The following AUTS2 variants were observed in gnomAD, a reference collection of about 807,000 sequenced individuals.
AUTS2 encodes the protein activator of transcription and developmental regulator AUTS2.
AUTS2 carries 17 observed loss-of-function variants against 112.4 expected under a neutral mutation model. The ratio of observed to expected loss-of-function variants is 0.15; its 90% confidence interval spans 0.10 to 0.23. The LOEUF is 0.23. Among genes scored for constraint, AUTS2 ranks in the 10% least tolerant of loss-of-function variants. The pLI, the probability that AUTS2 is intolerant of heterozygous loss-of-function variation, is 1.00. For synonymous variants in AUTS2, 751 were observed against 702.7 expected (o/e 1.07, Z -1.09); for missense variants, 1,510 against 1,701.6 (o/e 0.89, Z 1.98).
At chr7:69,639,242 A>G (rs570059103) in intron 1 of AUTS2, among the ~76,000 whole-genome samples, 15 of 152,346 alleles carry the variant, frequency 9.8e-5, no homozygotes, top group Admixed American at 9.8e-4. Flanking sequence ...ATGCACCTAG[A>G]GAGTACTTAT....
intron 4 of AUTS2, among the ~76,000 whole-genome samples, chr7:70,433,038 G>A (rs1009770661): frequency 1.3e-5 from 2 of 152,162 alleles, no homozygotes; most frequent in African/African-American, 4.8e-5. Context: ...ATGGATACCA[G>A]TAGGTCTCAG....
intron 4 of AUTS2, among the ~76,000 whole-genome samples, chr7:70,299,815 T>C (rs2129613265): frequency 1.2e-5 from 1 of 82,396 alleles, no homozygotes; most frequent in South Asian, 6.2e-4. Flanking sequence ...TTCTTTTGCT[T>C]TTGTTTTTTT....
intron 5 of AUTS2, among the ~76,000 whole-genome samples, chr7:70,453,342 A>G (rs1211202881): frequency 2.0e-5 from 3 of 152,240 alleles, no homozygotes; most frequent in African/African-American, 7.2e-5. Flanking sequence ...TCTTATGGTC[A>G]GAAGTGAGAG....
intron 4 of AUTS2, among the ~76,000 whole-genome samples, chr7:70,329,246 A>G (rs1790635100): frequency 1.3e-5 from 2 of 152,178 alleles, no homozygotes; most frequent in Non-Finnish European, 2.9e-5. Context: ...AACATGTGTC[A>G]CATATACTTG....
At chr7:69,790,120 A>G (rs1212343244) in intron 1 of AUTS2, among the ~76,000 whole-genome samples, 1 of 151,946 alleles carries the variant, frequency 6.6e-6, no homozygotes, top group African/African-American at 2.4e-5. Context: ...GTCTCTACTA[A>G]AAATAAAAAA....
chr7:70,223,053 A>C (rs1260839674), intron 4 of AUTS2, among the ~76,000 whole-genome samples: 1 of 151,800 alleles, frequency 6.6e-6, no homozygotes, highest in Non-Finnish European at 1.5e-5. Context: ...ACACCCGGCT[A>C]ATTTTTTGTA....
chr7:70,473,362 C>T (rs1428363316), intron 5 of AUTS2, among the ~76,000 whole-genome samples: 1 of 152,158 alleles, frequency 6.6e-6, no homozygotes, highest in Non-Finnish European at 1.5e-5. Flanking sequence ...CAAATCCCTC[C>T]TCTGTTTATG....
intron 6 of AUTS2, among the ~76,000 whole-genome samples, chr7:70,705,727 T>G (rs1809701740): frequency 6.6e-6 from 1 of 152,184 alleles, no homozygotes; most frequent in African/African-American, 2.4e-5. Context: ...TTGTATGAAG[T>G]GGCCCAGAAA....
intron 1 of AUTS2, among the ~76,000 whole-genome samples, chr7:69,750,022 C>T (rs1217142483): frequency 6.6e-6 from 1 of 152,168 alleles, no homozygotes; most frequent in Non-Finnish European, 1.5e-5. Flanking sequence ...GAAAAGTTTA[C>T]AAGGAATCTG....
At chr7:70,348,953 A>G (rs951567266) in intron 4 of AUTS2, among the ~76,000 whole-genome samples, 1 of 152,380 alleles carries the variant, frequency 6.6e-6, no homozygotes, top group East Asian at 1.9e-4. Context: ...TGAAGAAAAT[A>G]AAGAACAATA....
At chr7:69,910,118 G>A (rs1795294968) in intron 2 of AUTS2, among the ~76,000 whole-genome samples, 1 of 152,164 alleles carries the variant, frequency 6.6e-6, no homozygotes, top group Non-Finnish European at 1.5e-5. Flanking sequence ...TTCTGAATCT[G>A]TATTTCTCAG....
At chr7:70,713,030 C>T (rs1810147996) in intron 6 of AUTS2, among the ~76,000 whole-genome samples, 2 of 152,198 alleles carry the variant, frequency 1.3e-5, no homozygotes, top group Admixed American at 6.5e-5. Flanking sequence ...TCATGTTTAG[C>T]GTGGTTCTGA....
intron 1 of AUTS2, among the ~76,000 whole-genome samples, chr7:69,600,951 C>T (rs991916509): frequency 6.0e-5 from 9 of 150,850 alleles, no homozygotes; most frequent in Admixed American, 2.0e-4. Flanking sequence ...TTCAAATGCA[C>T]ATTTTCCTTC....
intron 5 of AUTS2, among the ~76,000 whole-genome samples, chr7:70,589,731 G>T (rs953562122): frequency 1.3e-5 from 2 of 152,076 alleles, no homozygotes; most frequent in Non-Finnish European, 2.9e-5. Context: ...GAAAAGAAAA[G>T]AAAGAAAGTC....
At chr7:69,961,830 G>A (rs543730253) in intron 2 of AUTS2, among the ~76,000 whole-genome samples, 126 of 152,052 alleles carry the variant, frequency 8.3e-4, no homozygotes, top group Non-Finnish European at 1.3e-3. Context: ...TTAATCTTAA[G>A]CAGGTGAACC....
intron 1 of AUTS2, chr7:69,824,595 A>G (rs571581761): frequency 6.6e-6 from 1 of 151,304 alleles, no homozygotes; most frequent in African/African-American, 2.4e-5. Context: ...CAGCTTCACA[A>G]CCCCTCAGTT....
intron 4 of AUTS2, among the ~76,000 whole-genome samples, chr7:70,209,044 T>G (rs1810722276): frequency 6.6e-6 from 1 of 152,096 alleles, no homozygotes; most frequent in South Asian, 2.1e-4. Context: ...ACTGTGACTG[T>G]TGTGTGGAGA....
intron 1 of AUTS2, among the ~76,000 whole-genome samples, chr7:69,670,555 C>CAAAAAAAAAAAAAAA (rs200373158): frequency 3.4e-5 from 4 of 119,070 alleles, no homozygotes; most frequent in African/African-American, 1.3e-4. Context: ...CTTGATCCCT[C>CAAAAAAAAAAAAAAA]AAAAAAAAAA....
rs113235585 is a variant in AUTS2, at chr7:70,501,964, T to G, written c.690+66183T>G. Among the ~76,000 whole-genome samples, 32 of 152,270 alleles carry G rather than the reference T, an allele frequency of 2.1e-4. 2 individuals carry two copies. The highest frequency in any genetic ancestry group is 7.7e-4 in the African/African-American group (32 of 41,564). On this transcript the variant is annotated intron_variant, in intron 5 of 18. Coordinates refer to ENST00000342771, the MANE Select transcript of AUTS2 (RefSeq NM_015570.4). Reference sequence around the variant, plus strand: ...ACTTCTGCTGTCAGCTGTGTCTCCATGGCTCAGGAACTTACCCTCCCACCC... The same window carrying G: ...ACTTCTGCTGTCAGCTGTGTCTCCAGGGCTCAGGAACTTACCCTCCCACCC...
Sources: allele counts gnomAD v4.1 joint callset (sites outside exome capture counted in the v4.1 genomes callset), GRCh38; gene constraint gnomAD v4.1.1; transcripts MANE v1.5; gene names NCBI Gene and HGNC (gene_info 2026-07-23, HGNC 2026-07-21).